Variants in PIEZO2 observed in about 807,000 individuals in gnomAD.
PIEZO2 encodes the protein piezo type mechanosensitive ion channel component 2.
In PIEZO2, 172 loss-of-function variants were observed where a neutral mutation model predicts 337.3. The ratio of observed to expected loss-of-function variants is 0.51; its 90% CI spans 0.45 to 0.58. PIEZO2 has a LOEUF of 0.58. Ranked by LOEUF, PIEZO2 falls within the 20% of genes least tolerant of loss-of-function variation. PIEZO2 has a pLI of 0.00. For missense variants in PIEZO2, 3,028 were observed against 3,391.3 expected, an observed-to-expected ratio of 0.89 and a Z score of 2.66; for synonymous variants, 1,251 against 1,228.5, an observed-to-expected ratio of 1.02 and a Z score of -0.38.
rs1598759497 is a variant in PIEZO2, at chr18:10,969,378, C to A, written c.286+10157G>T. ...TTGTCTTACAGCAAGGACTGGTCGG[C>A]ATGGTGGGGAGCAGACGGGCGTGAG... On this transcript the variant is annotated intron_variant, in intron 3 of 55. Transcript: ENST00000674853. The surrounding 1 kb of genome is among the most constrained non-coding windows in gnomAD (Gnocchi z 4.5). Among the ~76,000 whole-genome samples, 1 of 147,382 alleles carries A rather than the reference C, an allele frequency of 6.8e-6. No individual in the cohort carries two copies. Among genetic ancestry groups the A allele is most frequent in the African/African-American group, 2.5e-5 (1 of 40,706 alleles).
intron 48 of PIEZO2, among the ~76,000 whole-genome samples, chr18:10,690,402 C>T (rs2034760239): frequency 6.6e-6 from 1 of 152,172 alleles, no homozygotes; most frequent in African/African-American, 2.4e-5. Flanking sequence ...CAGAGCTTCT[C>T]CCAGCCTGGA....
chr18:10,752,660 C>A lies in PIEZO2; in HGVS notation c.4143G>T (p.Val1381=). The change falls in exon 28 of 56, where the codon GTG becomes GTT. Residue 1381 remains valine (V), a synonymous_variant. Coordinates refer to ENST00000674853, the MANE Select transcript of PIEZO2 (RefSeq NM_001378183.1). ...WDWLIAYNVF[V]ITMKNILSIG... is the part of the protein sequence containing the mutation. Reference sequence around the variant, plus strand: ...CTGACAGGATATTTTTCATCGTAATCACAAAAACGTTGTATGCGATCAGCC... The same window carrying A: ...CTGACAGGATATTTTTCATCGTAATAACAAAAACGTTGTATGCGATCAGCC... The A allele has an allele frequency of 6.5e-7, 1 of 1,537,172 alleles. No individual in the cohort carries two copies. The highest frequency in any genetic ancestry group is 8.7e-7 in the Non-Finnish European group (1 of 1,146,884).
Position 10,748,634 on chromosome 18 carries a change from T to A in PIEZO2, c.4265-4A>T, listed in dbSNP as rs2037520021. The A allele has an allele frequency of 7.0e-7, 1 of 1,438,080 alleles. No homozygotes were observed. Among genetic ancestry groups the A allele is most frequent in the Non-Finnish European group, 9.1e-7 (1 of 1,103,158 alleles). The allele number at this position is 1,438,080 out of a possible 1,614,324, so 89.1% of individuals were successfully genotyped here. ...GTACAGGGTGAATTAGCAGCAGCTA[T>A]AGTAACAGTAGAAAAACACACATTA... On this transcript the variant is annotated splice_polypyrimidine_tract_variant and splice_region_variant and intron_variant, in intron 29 of 55. Transcript: ENST00000674853. The surrounding 1 kb of genome is among the most constrained non-coding windows in gnomAD (Gnocchi z 5.1).
At chr18:10,779,026 G>C (rs1160306393) in intron 18 of PIEZO2, among the ~76,000 whole-genome samples, 1 of 152,214 alleles carries the variant, frequency 6.6e-6, no homozygotes, top group African/African-American at 2.4e-5. Context: ...TTTCTAGCTA[G>C]AGTCTGTTTC....
chr18:10,898,231 C>G (rs2042953261), intron 4 of PIEZO2, among the ~76,000 whole-genome samples: 1 of 152,072 alleles, frequency 6.6e-6, no homozygotes, highest in Admixed American at 6.6e-5. Context: ...ACCATCCTGG[C>G]TAACATGATG....
chr18:10,887,384 A>G (rs934925031), intron 4 of PIEZO2, among the ~76,000 whole-genome samples: 9 of 151,966 alleles, frequency 5.9e-5, no homozygotes, highest in African/African-American at 2.2e-4. Context: ...ACATTTTTAA[A>G]TGACCAGATC....
chr18:11,020,913 GAAGTA>G (rs2036287422), intron 2 of PIEZO2, among the ~76,000 whole-genome samples: 2 of 152,252 alleles, frequency 1.3e-5, no homozygotes, highest in Admixed American at 6.5e-5. Flanking sequence ...AAAAACTCAA[GAAGTA>G]AACAACCCCT....
rs1398187895 is a variant in PIEZO2 at position 11,009,602 on chromosome 18, G to A, written c.161-29942C>T. ...TCATTACACTTCTTTGGTATCATACGAAGTAATAATATATGTGGGCACTAT... is the reference window on the plus strand; with the variant it reads ...TCATTACACTTCTTTGGTATCATACAAAGTAATAATATATGTGGGCACTAT... On this transcript the variant is annotated intron_variant, in intron 2 of 55. Coordinates refer to ENST00000674853, the MANE Select transcript of PIEZO2 (RefSeq NM_001378183.1). The surrounding 1 kb of genome is among the most constrained non-coding windows in gnomAD (Gnocchi z 4.6). Among the ~76,000 whole-genome samples, 5 of 152,240 alleles carry A rather than the reference G, an allele frequency of 3.3e-5. No homozygotes were observed. The highest frequency in any genetic ancestry group is 2.1e-4 in the South Asian group (1 of 4,822).
At position 10,713,747 on chromosome 18, in the gene PIEZO2, C is replaced by T. The variant is rs2035906916; in HGVS notation, c.5423+1017G>A. On this transcript the variant is annotated intron_variant, in intron 39 of 55. Coordinates refer to ENST00000674853, the MANE Select transcript of PIEZO2 (RefSeq NM_001378183.1). This position sits in a 1 kb window ranked among gnomAD's most constrained non-coding sequence, Gnocchi z 4.5. ...GATACTCAACATGTTTAATGAAAAA[C>T]ATAAAACATGAATGTTCTCAGTGAT... Among the ~76,000 whole-genome samples the T allele has an allele frequency of 6.6e-6, 1 of 152,170 alleles. No homozygotes were observed. Among genetic ancestry groups the T allele is most frequent in the South Asian group, 2.1e-4 (1 of 4,832 alleles).
intron 9 of PIEZO2, 22 bp from the exon 10 acceptor site, chr18:10,801,450 A>G (rs1448217520): frequency 1.3e-6 from 2 of 1,492,126 alleles, no homozygotes; most frequent in Non-Finnish European, 1.8e-6. Flanking sequence ...AATGCGGGAA[A>G]GCATGTTAGT....
intron 3 of PIEZO2, among the ~76,000 whole-genome samples, chr18:10,913,019 C>G (rs577008757): frequency 1.0e-3 from 156 of 151,900 alleles, no homozygotes; most frequent in Non-Finnish European, 1.7e-3. Flanking sequence ...CTTTTGGCCC[C>G]TGGCCCAGGG....
chr18:11,041,166 C>T (rs2037105862), intron 2 of PIEZO2, among the ~76,000 whole-genome samples: 1 of 152,194 alleles, frequency 6.6e-6, no homozygotes, highest in African/African-American at 2.4e-5. Context: ...TTAAACTGTT[C>T]TCATCACTGC....
rs958233799 is a variant in PIEZO2, at chr18:10,821,845, T to C, written c.918-14571A>G. ...CAGAGAATCTCAGGAAAACTCCTTG[T>C]TCTCTTTTTACTTTCTTTTTATATT... On this transcript the variant is annotated intron_variant, in intron 7 of 55. Transcript: ENST00000674853. The surrounding 1 kb of genome is among the most constrained non-coding windows in gnomAD (Gnocchi z 4.2). 6.6e-6 allele frequency among the ~76,000 whole-genome samples: 1 copy of C among 152,252 alleles called. No individual in the cohort carries two copies. The highest frequency in any genetic ancestry group is 1.5e-5 in the Non-Finnish European group (1 of 68,042).
At position 11,001,447 on chromosome 18, in the gene PIEZO2, C is replaced by T. The variant is rs890311930; in HGVS notation, c.161-21787G>A. Among the ~76,000 whole-genome samples the T allele has an allele frequency of 1.3e-5, 2 of 152,134 alleles. No homozygotes were observed. The highest frequency in any genetic ancestry group is 4.8e-5 in the African/African-American group (2 of 41,432). ...TTTCTGCTGTCGCTCTTCTTTGACC[C>T]TGCTAGAGATGACTTCACTGTCAGA... On this transcript the variant is annotated intron_variant, in intron 2 of 55. Transcript: ENST00000674853. The surrounding 1 kb of genome is among the most constrained non-coding windows in gnomAD (Gnocchi z 5.3).
intron 3 of PIEZO2, among the ~76,000 whole-genome samples, chr18:10,946,471 T>C (rs1171867710): frequency 2.0e-5 from 3 of 152,162 alleles, no homozygotes; most frequent in Non-Finnish European, 4.4e-5. Flanking sequence ...GGCCTCCACT[T>C]CTCCTCTCCC....
chr18:10,698,731 G>A (rs774975136), intron 44 of PIEZO2, among the ~76,000 whole-genome samples, 194 bp downstream of exon 44: 1 of 152,104 alleles, frequency 6.6e-6, no homozygotes, highest in Admixed American at 6.6e-5. Context: ...AAGGTGTTTT[G>A]GGTAATGGGG....
chr18:10,897,189 A>ATTTT (rs113732954), intron 4 of PIEZO2, among the ~76,000 whole-genome samples: 1 of 146,188 alleles, frequency 6.8e-6, no homozygotes, highest in Non-Finnish European at 1.5e-5. Context: ...AGGAGATCTG[A>ATTTT]TTTTTTTTTT....
Position 10,870,475 on chromosome 18 carries a change from T to A in PIEZO2, c.492+778A>T, listed in dbSNP as rs577216894. Among the ~76,000 whole-genome samples the A allele has an allele frequency of 6.6e-6, 1 of 151,298 alleles. No individual in the cohort carries two copies. The highest frequency in any genetic ancestry group is 1.5e-5 in the Non-Finnish European group (1 of 67,412). ...AAATAGTCACTTTTTCCTTTATAAA[T>A]GTTATCTTTCCACTAATAAATCAAT... On this transcript the variant is annotated intron_variant, in intron 5 of 55. Coordinates refer to ENST00000674853, the MANE Select transcript of PIEZO2 (RefSeq NM_001378183.1). The surrounding 1 kb of genome is among the most constrained non-coding windows in gnomAD (Gnocchi z 5.3).
rs2040250043 is a variant in PIEZO2, at chr18:10,813,127, G to A, written c.918-5853C>T. The stretch of plus-strand genomic sequence containing the variant: ...CCGGAGTATCTAGGATTACAGGCAC[G>A]CGCCACCACGCTCAGCTAAGTTTTT... On this transcript the variant is annotated intron_variant, in intron 7 of 55. Transcript: ENST00000674853. This position sits in a 1 kb window ranked among gnomAD's most constrained non-coding sequence, Gnocchi z 4.2. Among the ~76,000 whole-genome samples, 1 of 151,734 alleles carries A rather than the reference G, an allele frequency of 6.6e-6. No individual in the cohort carries two copies. Among genetic ancestry groups the A allele is most frequent in the East Asian group, 1.9e-4 (1 of 5,156 alleles).
Sources: allele counts gnomAD v4.1 joint callset (sites outside exome capture counted in the v4.1 genomes callset), GRCh38; gene constraint gnomAD v4.1.1; non-coding constraint Gnocchi (gnomAD v3.1); transcripts MANE v1.5; gene names NCBI Gene and HGNC (gene_info 2026-07-23, HGNC 2026-07-21).